The following SEMA3E variants were observed in gnomAD, a reference collection of about 807,000 sequenced individuals.
SEMA3E encodes the protein semaphorin-3E.
In SEMA3E, 49 loss-of-function variants were observed where a neutral mutation model predicts 93.6. The observed-to-expected ratio is 0.52, with a 90% CI of 0.42 to 0.66. SEMA3E has a LOEUF of 0.66. Among genes scored for constraint, SEMA3E ranks in the 30% least tolerant of loss-of-function variants. SEMA3E has a pLI of 0.00. For synonymous variants in SEMA3E, 363 were observed against 330.7 expected (o/e 1.10, Z -1.06); for missense variants, 906 against 964.8 (o/e 0.94, Z 0.81).
At chr7:83,400,002 C>A (rs924759563) in intron 11 of SEMA3E, 26 bp downstream of exon 11, 1 of 1,512,056 alleles carries the variant, frequency 6.6e-7, no homozygotes, top group East Asian at 2.3e-5. Flanking sequence ...ATTTAAATAT[C>A]TCTGAGTACT....
At chr7:83,502,982 CA>C (rs1161720417) in intron 1 of SEMA3E, among the ~76,000 whole-genome samples, 3 of 149,778 alleles carry the variant, frequency 2.0e-5, no homozygotes, top group African/African-American at 7.4e-5. Flanking sequence ...ACCTAATGGA[CA>C]GCAAATATAT....
At chr7:83,440,801 C>A (rs1421484958) in intron 4 of SEMA3E, among the ~76,000 whole-genome samples, 18 of 123,810 alleles carry the variant, frequency 1.5e-4, no homozygotes, top group African/African-American at 3.7e-4. Context: ...GACTCCGTCT[C>A]AAAAAAAAAA....
intron 1 of SEMA3E, among the ~76,000 whole-genome samples, chr7:83,538,608 T>C (rs1400967544): frequency 6.6e-6 from 1 of 152,186 alleles, no homozygotes; most frequent in African/African-American, 2.4e-5. Flanking sequence ...TTTTACATGA[T>C]TATAAAAATG....
At chr7:83,618,862 G>T (rs992806977) in intron 1 of SEMA3E, among the ~76,000 whole-genome samples, 3 of 151,736 alleles carry the variant, frequency 2.0e-5, no homozygotes, top group Admixed American at 6.6e-5. Context: ...ATACATAATG[G>T]TTTATCAAAT....
At chr7:83,539,826 G>T (rs570602280) in intron 1 of SEMA3E, among the ~76,000 whole-genome samples, 1 of 123,640 alleles carries the variant, frequency 8.1e-6, no homozygotes, top group East Asian at 3.0e-4. Flanking sequence ...TGTGTTTTAA[G>T]TTAACTTTTT....
rs375070653 is a variant in SEMA3E, at chr7:83,467,716, C to T, written c.337-1115G>A. On this transcript the variant is annotated intron_variant, in intron 3 of 16. Coordinates refer to ENST00000643230, the MANE Select transcript of SEMA3E (RefSeq NM_012431.3). ...ACAAAAATAGGCAAAAAGCCACCTT[C>T]GGCCTAGAAGCTCTAGTTTGTCAAC... is the stretch of plus-strand genomic sequence containing the variant. 1.5e-4 allele frequency among the ~76,000 whole-genome samples: 23 copies of T among 152,312 alleles called. No individual in the cohort carries two copies. In the East Asian group the frequency reaches 3.1e-3, roughly 20 times the overall value.
intron 1 of SEMA3E, among the ~76,000 whole-genome samples, chr7:83,507,162 C>T (rs1790719724): frequency 6.6e-6 from 1 of 152,112 alleles, no homozygotes; most frequent in Non-Finnish European, 1.5e-5. Flanking sequence ...CATCCATCAT[C>T]TAGTCAAATA....
chr7:83,484,084 C>T (rs1790203813), intron 2 of SEMA3E, among the ~76,000 whole-genome samples: 1 of 152,118 alleles, frequency 6.6e-6, no homozygotes, highest in South Asian at 2.1e-4. Context: ...TTCAATCTTT[C>T]TCTCCCCATT....
chr7:83,549,901 T>C (rs769079531), intron 1 of SEMA3E, among the ~76,000 whole-genome samples: 20 of 152,116 alleles, frequency 1.3e-4, no homozygotes, highest in Non-Finnish European at 2.8e-4. Context: ...CAAATAATCA[T>C]ATTTAGGAGT....
intron 1 of SEMA3E, among the ~76,000 whole-genome samples, chr7:83,493,264 T>A (rs1341518758): frequency 6.6e-6 from 1 of 151,954 alleles, no homozygotes; most frequent in African/African-American, 2.4e-5. Context: ...AGTCTAACTA[T>A]CACATGTCCC....
intron 1 of SEMA3E, among the ~76,000 whole-genome samples, chr7:83,524,335 G>A (rs1281473115): frequency 6.6e-6 from 1 of 152,056 alleles, no homozygotes. Context: ...TAAATAAAAA[G>A]GCCAAACCTG....
At chr7:83,562,464 T>TTTA (rs1792049761) in intron 1 of SEMA3E, among the ~76,000 whole-genome samples, 1 of 141,030 alleles carries the variant, frequency 7.1e-6, no homozygotes, top group Non-Finnish European at 1.5e-5. Flanking sequence ...TGAACTTCCT[T>TTTA]TTTATTTATT....
At chr7:83,583,624 A>G (rs1792559441) in intron 1 of SEMA3E, among the ~76,000 whole-genome samples, 1 of 151,968 alleles carries the variant, frequency 6.6e-6, no homozygotes, top group Non-Finnish European at 1.5e-5. Context: ...ACCCAATTAT[A>G]ACAACCCCAT....
At chr7:83,565,430 G>T (rs766463729) in intron 1 of SEMA3E, among the ~76,000 whole-genome samples, 1 of 152,036 alleles carries the variant, frequency 6.6e-6, no homozygotes, top group Non-Finnish European at 1.5e-5. Context: ...TGGAGGATGG[G>T]TCAATAGGTG....
In SEMA3E at chr7:83,426,854, TTAG is replaced by T. The variant is rs1788780535; in HGVS notation, c.457-8374_457-8372del. 2.0e-5 allele frequency among the ~76,000 whole-genome samples: 3 copies of T among 152,198 alleles called. No individual in the cohort carries two copies. In the South Asian group the frequency reaches 6.2e-4, roughly 32 times the overall value. ...ATTGGCTTTAGTAAAACTGATTAGA[TTAG>T]TAGAACAACTAATCTAGTTGTTCTA... On this transcript the variant is annotated intron_variant, in intron 4 of 16. Transcript: ENST00000643230.
At chr7:83,558,386 T>C (rs1011869851) in intron 1 of SEMA3E, among the ~76,000 whole-genome samples, 1 of 152,132 alleles carries the variant, frequency 6.6e-6, no homozygotes, top group Non-Finnish European at 1.5e-5. Flanking sequence ...TTTTACTGAA[T>C]AATTTTGTGG....
chr7:83,385,547 A>G, intron 15 of SEMA3E, 114 bp from the exon 16 acceptor site: 1 of 1,111,598 alleles, frequency 9.0e-7, no homozygotes, highest in Non-Finnish European at 1.4e-6. Context: ...CTTATTGCTT[A>G]TTTCTGCAAA....
At chr7:83,617,053 A>C (rs1793385370) in intron 1 of SEMA3E, among the ~76,000 whole-genome samples, 1 of 152,000 alleles carries the variant, frequency 6.6e-6, no homozygotes, top group Admixed American at 6.6e-5. Flanking sequence ...TATTTTCTTC[A>C]TTTTTAATAA....
chr7:83,430,499 T>TA (rs1446557501), intron 4 of SEMA3E, among the ~76,000 whole-genome samples: 2 of 151,590 alleles, frequency 1.3e-5, no homozygotes, highest in Non-Finnish European at 1.5e-5. Context: ...TATGCAGCCA[T>TA]AAAAAATAAT....
Sources: allele counts gnomAD v4.1 joint callset (sites outside exome capture counted in the v4.1 genomes callset), GRCh38; gene constraint gnomAD v4.1.1; transcripts MANE v1.5; gene names NCBI Gene and HGNC (gene_info 2026-07-23, HGNC 2026-07-21).